TNFSF4: variants seen among roughly 807,000 people sequenced by gnomAD.
The protein encoded by TNFSF4 is tumor necrosis factor ligand superfamily member 4.
TNFSF4 carries 4 observed loss-of-function variants against 7.3 expected under a neutral mutation model. The observed-to-expected ratio is 0.55, with a 90% confidence interval of 0.27 to 1.25. TNFSF4 has a LOEUF of 1.25. TNFSF4 is among the 50% of genes most tolerant of loss of function. The probability of loss-of-function intolerance (pLI) is 0.12; values close to 1 mark genes in which losing one functional copy is unlikely to be tolerated. For synonymous variants in TNFSF4, 76 were observed against 83.7 expected (o/e 0.91, Z 0.50); for missense variants, 181 against 208.8 (o/e 0.87, Z 0.82).
the TNFSF4 span, among the ~76,000 whole-genome samples, chr1:173,449,608 G>T: frequency 6.6e-6 from 1 of 152,032 alleles, no homozygotes; most frequent in Admixed American, 6.6e-5. Flanking sequence ...CAAAGTGCTA[G>T]GATTACAGAC....
the TNFSF4 span, among the ~76,000 whole-genome samples, chr1:173,214,952 C>A: frequency 6.6e-6 from 1 of 152,302 alleles, no homozygotes; most frequent in African/African-American, 2.4e-5. Context: ...CCAGACCACT[C>A]AATTGCTGGT....
chr1:173,433,483 C>T, the TNFSF4 span, among the ~76,000 whole-genome samples: 1 of 151,874 alleles, frequency 6.6e-6, no homozygotes, highest in African/African-American at 2.4e-5. Flanking sequence ...ACTCTTGAGT[C>T]CAGGAGTTCC....
the TNFSF4 span, among the ~76,000 whole-genome samples, chr1:173,339,309 G>A: frequency 6.6e-6 from 1 of 152,088 alleles, no homozygotes; most frequent in Non-Finnish European, 1.5e-5. Context: ...TTGAGCCCAG[G>A]AGCTAGAGGC....
the TNFSF4 span, among the ~76,000 whole-genome samples, chr1:173,244,657 ACAAAAAAAAC>A: frequency 1.5e-5 from 2 of 129,644 alleles, no homozygotes; most frequent in African/African-American, 3.2e-5. Context: ...AAAACAAAAA[ACAAAAAAAAC>A]AAAAAAAAAA....
chr1:173,202,373 C>A (rs1157111844), intron 1 of TNFSF4, among the ~76,000 whole-genome samples: 1 of 152,180 alleles, frequency 6.6e-6, no homozygotes, highest in African/African-American at 2.4e-5. Flanking sequence ...TATCTAAACA[C>A]TTCATTTAGA....
chr1:173,343,370 C>A, the TNFSF4 span, among the ~76,000 whole-genome samples: 1 of 152,068 alleles, frequency 6.6e-6, no homozygotes, highest in Admixed American at 6.6e-5. Flanking sequence ...GTTTGCCATG[C>A]AGATATCTGC....
chr1:173,359,538 A>C, the TNFSF4 span, among the ~76,000 whole-genome samples: 9 of 116,484 alleles, frequency 7.7e-5, no homozygotes, highest in African/African-American at 2.5e-4. Flanking sequence ...AAAAAAAAAA[A>C]AAACTACATC....
the TNFSF4 span, among the ~76,000 whole-genome samples, chr1:173,326,855 A>G: frequency 6.6e-6 from 1 of 152,226 alleles, no homozygotes; most frequent in Non-Finnish European, 1.5e-5. Flanking sequence ...CCACTGCTCA[A>G]TGAAATAAAA....
the TNFSF4 span, among the ~76,000 whole-genome samples, chr1:173,309,665 A>G: frequency 6.6e-6 from 1 of 151,712 alleles, no homozygotes; most frequent in Admixed American, 6.6e-5. Flanking sequence ...TGTCCTTATT[A>G]GACTTTGCTA....
the TNFSF4 span, among the ~76,000 whole-genome samples, chr1:173,256,961 T>C: frequency 6.6e-6 from 1 of 152,346 alleles, no homozygotes; most frequent in East Asian, 1.9e-4. Context: ...AAATTGAAGA[T>C]TTGGGTGGAT....
At chr1:173,188,304 C>T (rs1649317602) in intron 2 of TNFSF4, among the ~76,000 whole-genome samples, 1 of 152,330 alleles carries the variant, frequency 6.6e-6, no homozygotes, top group African/African-American at 2.4e-5. Flanking sequence ...AGTACAGAGA[C>T]AAGCACATAT....
At chr1:173,265,668 T>C in the TNFSF4 span, among the ~76,000 whole-genome samples, 1 of 152,184 alleles carries the variant, frequency 6.6e-6, no homozygotes, top group South Asian at 2.1e-4. Flanking sequence ...ACTCTGTCTA[T>C]GCAAATCCTT....
chr1:173,430,954 T>C, the TNFSF4 span, among the ~76,000 whole-genome samples: 1 of 152,234 alleles, frequency 6.6e-6, no homozygotes, highest in Non-Finnish European at 1.5e-5. Flanking sequence ...AAGAATCCAT[T>C]TGTCATGCAA....
chr1:173,339,010 C>T, the TNFSF4 span, among the ~76,000 whole-genome samples: 4 of 152,066 alleles, frequency 2.6e-5, no homozygotes, highest in Admixed American at 6.6e-5. Context: ...TTAAGGTCAG[C>T]GGAAAACTAC....
the TNFSF4 span, among the ~76,000 whole-genome samples, chr1:173,436,669 A>T: frequency 6.6e-6 from 1 of 152,058 alleles, no homozygotes; most frequent in South Asian, 2.1e-4. Context: ...TGTCCTCCCA[A>T]AGTGCTGGGA....
At chr1:173,219,023 T>G in the TNFSF4 span, among the ~76,000 whole-genome samples, 1 of 152,312 alleles carries the variant, frequency 6.6e-6, no homozygotes, top group South Asian at 2.1e-4. Context: ...TCAAATTCTT[T>G]TTTTTTCATG....
chr1:173,405,676 A>G, the TNFSF4 span, among the ~76,000 whole-genome samples: 1 of 152,264 alleles, frequency 6.6e-6, no homozygotes, highest in African/African-American at 2.4e-5. Flanking sequence ...TGTACAACTC[A>G]TTTAAATTAA....
the TNFSF4 span, among the ~76,000 whole-genome samples, chr1:173,426,928 CAG>C: frequency 6.0e-5 from 9 of 150,498 alleles, no homozygotes; most frequent in South Asian, 2.1e-4. Flanking sequence ...GCAAGACAGT[CAG>C]AGAGAGAGAG....
the TNFSF4 span, among the ~76,000 whole-genome samples, chr1:173,243,828 C>G: frequency 6.6e-6 from 1 of 152,188 alleles, no homozygotes; most frequent in Non-Finnish European, 1.5e-5. Flanking sequence ...TGTGGTGAGG[C>G]TATTCTGCAG....
Sources: allele counts gnomAD v4.1 joint callset (sites outside exome capture counted in the v4.1 genomes callset), GRCh38; gene constraint gnomAD v4.1.1; transcripts MANE v1.5; gene names NCBI Gene and HGNC (gene_info 2026-07-23, HGNC 2026-07-21).